Variants in RHBDL3 observed in about 807,000 individuals in gnomAD.
The protein encoded by RHBDL3 is rhomboid like 3.
Under a neutral mutation model 48.2 loss-of-function variants are expected in RHBDL3, and 28 were observed. The ratio of observed to expected loss-of-function variants is 0.58; its 90% confidence interval spans 0.43 to 0.80. The LOEUF (loss-of-function observed/expected upper bound fraction) is 0.80. Among genes scored for constraint, RHBDL3 ranks in the 30% least tolerant of loss-of-function variants. The probability of loss-of-function intolerance (pLI) is 0.00; values close to 1 mark genes in which losing one functional copy is unlikely to be tolerated. For missense variants in RHBDL3, 464 were observed against 542.7 expected, an observed-to-expected ratio of 0.85 and a Z score of 1.44; for synonymous variants, 208 against 232.3, an observed-to-expected ratio of 0.90 and a Z score of 0.95.
rs1422300772 is a variant in RHBDL3 at position 32,321,975 on chromosome 17, C to T, written c.*746C>T. 6.5e-6 allele frequency: 1 copy of T among 152,862 alleles called. No homozygotes were observed. Among genetic ancestry groups the T allele is most frequent in the Non-Finnish European group, 1.5e-5 (1 of 68,524 alleles). The allele number at this position is 152,862 out of a possible 1,614,324, so 9.5% of individuals were successfully genotyped here. ...AGGACCAGCTTCAGACTTCTCCCTC[C>T]CTTTCTTCCAGGATATTGGCATCTC... On this transcript the variant is annotated 3_prime_UTR_variant, in exon 9 of 9. Transcript: ENST00000269051.
chr17:32,295,090 G>A (rs1391737660), intron 5 of RHBDL3, among the ~76,000 whole-genome samples: 3 of 152,160 alleles, frequency 2.0e-5, no homozygotes, highest in Admixed American at 6.5e-5. Context: ...CAGACACCAG[G>A]CCTCTGTGGT....
intron 1 of RHBDL3, among the ~76,000 whole-genome samples, chr17:32,266,763 C>G (rs929747223): frequency 5.3e-5 from 8 of 152,232 alleles, no homozygotes; most frequent in African/African-American, 1.9e-4. Flanking sequence ...CGGATTAGCT[C>G]CCGCCCGGCA....
At chr17:32,294,543 A>T in intron 5 of RHBDL3, 101 bp downstream of exon 5, 2 of 1,192,968 alleles carry the variant, frequency 1.7e-6, no homozygotes, top group Non-Finnish European at 2.3e-6. Flanking sequence ...ATTTTTATCT[A>T]TTTGGACATA....
intron 6 of RHBDL3, among the ~76,000 whole-genome samples, 167 bp from the exon 7 acceptor site, chr17:32,305,169 GAGGGA>G (rs1567783734): frequency 6.9e-6 from 1 of 145,380 alleles, no homozygotes; most frequent in African/African-American, 2.5e-5. Flanking sequence ...GAGGGAGGGA[GAGGGA>G]GGGGAGGGGA....
At position 32,265,999 on chromosome 17, in the gene RHBDL3, C is replaced by T. The variant is rs2039618187; in HGVS notation, c.-191C>T. On this transcript the variant is annotated 5_prime_UTR_variant, in exon 1 of 9. Transcript: ENST00000269051. ...TTGGCGGCGGAGGGGCCGGGCGTCC[C>T]GGGGTCGCGAGGAGGCGGCGGCGGC... 6.2e-5 allele frequency among the ~76,000 whole-genome samples: 9 copies of T among 145,192 alleles called. No individual in the cohort carries two copies. The South Asian group carries it at 1.9e-3, about 31-fold the overall frequency.
At chr17:32,317,666 G>A (rs954362809) in intron 8 of RHBDL3, among the ~76,000 whole-genome samples, 3 of 152,228 alleles carry the variant, frequency 2.0e-5, no homozygotes, top group Non-Finnish European at 4.4e-5. Flanking sequence ...GATAAAGTTA[G>A]TGAAATAGTA....
intron 4 of RHBDL3, 92 bp from the exon 5 acceptor site, chr17:32,294,202 A>G: frequency 9.6e-7 from 1 of 1,039,102 alleles, no homozygotes; most frequent in African/African-American, 1.6e-5. Context: ...AAAGGTGATA[A>G]CTTCCTGTAG....
intron 2 of RHBDL3, among the ~76,000 whole-genome samples, chr17:32,274,777 G>A (rs887794232): frequency 7.2e-5 from 11 of 151,924 alleles, no homozygotes; most frequent in East Asian, 3.9e-4. Context: ...GACCTTTTGC[G>A]GCAGTCGCAT....
intron 6 of RHBDL3, among the ~76,000 whole-genome samples, chr17:32,298,681 T>C (rs1172201184): frequency 6.6e-6 from 1 of 152,192 alleles, no homozygotes; most frequent in East Asian, 1.9e-4. Flanking sequence ...TGGAGCCAGG[T>C]ACCACCCTGG....
intron 2 of RHBDL3, among the ~76,000 whole-genome samples, chr17:32,271,395 C>T (rs1466051332): frequency 1.3e-5 from 2 of 152,080 alleles, no homozygotes; most frequent in East Asian, 1.9e-4. Flanking sequence ...CAGGTAATGT[C>T]CCCTTTAGTT....
rs138108010 is a variant in RHBDL3 at position 32,315,488 on chromosome 17, A to G, written c.883-744A>G. ...CCGAGTTTTCCAAGATTCTCAGGGG[A>G]GAGAGGGAGTTGTTTGAAGGCCACC... is the stretch of plus-strand genomic sequence containing the variant. On this transcript the variant is annotated intron_variant, in intron 7 of 8. Coordinates refer to ENST00000269051, the MANE Select transcript of RHBDL3 (RefSeq NM_138328.3). Among the ~76,000 whole-genome samples the G allele has an allele frequency of 1.6e-3, 251 of 152,220 alleles. 1 individual carries two copies. The highest frequency in any genetic ancestry group is 5.9e-3 in the African/African-American group (245 of 41,538).
At chr17:32,305,546 C>T (rs374414149) in intron 7 of RHBDL3, 105 bp downstream of exon 7, 2 of 799,276 alleles carry the variant, frequency 2.5e-6, no homozygotes, top group Admixed American at 3.7e-5. Flanking sequence ...CCAGGCAGAC[C>T]TGACCTGGAG....
At chr17:32,292,022 G>A (rs147109574) in intron 4 of RHBDL3, among the ~76,000 whole-genome samples, 2,229 of 151,992 alleles carry the variant, frequency 0.015, 50 homozygotes, top group African/African-American at 0.05. Context: ...TGCCCGCCTC[G>A]GCCTCCCAAA....
At chr17:32,303,116 C>T (rs377699143) in intron 6 of RHBDL3, among the ~76,000 whole-genome samples, 3 of 152,184 alleles carry the variant, frequency 2.0e-5, no homozygotes, top group East Asian at 1.9e-4. Context: ...GTCAGGACTC[C>T]GAGCCATGGA....
chr17:32,304,926 TG>T (rs2040672177), intron 6 of RHBDL3, among the ~76,000 whole-genome samples: 1 of 152,084 alleles, frequency 6.6e-6, no homozygotes, highest in Non-Finnish European at 1.5e-5. Context: ...GAGACCAGCC[TG>T]GGCAACATAG....
Position 32,322,646 on chromosome 17 carries a change from AG to A in RHBDL3, c.*1418del, listed in dbSNP as rs1396662788. On this transcript the variant is annotated 3_prime_UTR_variant, in exon 9 of 9. Transcript: ENST00000269051. ...ATTGTTGGGTGCATGGATGAACCTC[AG>A]AGGGAGGGCAGCCAGTAGCCTCGGA... is the stretch of plus-strand genomic sequence containing the variant. The A allele has an allele frequency of 6.6e-6, 1 of 152,226 alleles. No homozygotes were observed. Among genetic ancestry groups the A allele is most frequent in the Non-Finnish European group, 1.5e-5 (1 of 68,084 alleles). The allele number at this position is 152,226 out of a possible 1,614,324, so 9.4% of individuals were successfully genotyped here.
intron 2 of RHBDL3, among the ~76,000 whole-genome samples, chr17:32,269,685 C>G (rs2039725168): frequency 6.6e-6 from 1 of 152,244 alleles, no homozygotes; most frequent in Non-Finnish European, 1.5e-5. Flanking sequence ...CCACTACCAC[C>G]AAGCTGCCAG....
rs372256943 is a variant in RHBDL3, at chr17:32,288,445, A to G, written c.295-347A>G. 3.1e-5 allele frequency: 9 copies of G among 290,942 alleles called. No homozygotes were observed. The East Asian group carries it at 4.3e-4, about 14-fold the overall frequency. The allele number at this position is 290,942 out of a possible 1,614,324, so 18.0% of individuals were successfully genotyped here. A position where few individuals can be genotyped will look rare whatever the true frequency, so the allele number is the denominator to read the frequency against. On this transcript the variant is annotated intron_variant, in intron 3 of 8. Coordinates refer to ENST00000269051, the MANE Select transcript of RHBDL3 (RefSeq NM_138328.3). ...GATGAGTGAGTAGATGAAGGAAGGT[A>G]TAGTGAACACAAATACGGGCTCTGG...
intron 5 of RHBDL3, among the ~76,000 whole-genome samples, chr17:32,295,873 T>C (rs1380065488): frequency 1.3e-5 from 2 of 152,146 alleles, no homozygotes; most frequent in Non-Finnish European, 2.9e-5. Context: ...TGCCCCACAA[T>C]TTTAGCAGCA....
Sources: gnomAD v4.1 joint callset for allele counts (sites outside exome capture counted in the v4.1 genomes callset) on GRCh38, gnomAD v4.1.1 for gene constraint, MANE v1.5 for transcripts, NCBI Gene and HGNC (gene_info 2026-07-23, HGNC 2026-07-21) for gene names.